SORCS2: variants seen among roughly 807,000 people sequenced by gnomAD.
SORCS2 encodes the protein sortilin related VPS10 domain containing receptor 2.
In SORCS2, 100 loss-of-function variants were observed where a neutral mutation model predicts 141.6. The observed-to-expected ratio is 0.71, with a 90% confidence interval of 0.60 to 0.83. The LOEUF is 0.83. Among genes scored for constraint, SORCS2 ranks in the 40% least tolerant of loss-of-function variants. The pLI, the probability that SORCS2 is intolerant of heterozygous loss-of-function variation, is 0.00. For synonymous variants in SORCS2, 789 were observed against 676.9 expected, an observed-to-expected ratio of 1.17 and a Z score of -2.57; for missense variants, 1,646 against 1,560.2, an observed-to-expected ratio of 1.05 and a Z score of -0.93.
chr4:7,349,170 G>A (rs1720801574), intron 1 of SORCS2, among the ~76,000 whole-genome samples: 1 of 152,136 alleles, frequency 6.6e-6, no homozygotes, highest in African/African-American at 2.4e-5. Flanking sequence ...CTGTGTCTAC[G>A]AGGAAGCTGG....
At chr4:7,495,634 C>T (rs1452379003) in intron 2 of SORCS2, among the ~76,000 whole-genome samples, 5 of 152,188 alleles carry the variant, frequency 3.3e-5, no homozygotes. Context: ...CATGTCATCT[C>T]ACAGCTGGGA....
At chr4:7,573,842 C>G (rs550194925) in intron 3 of SORCS2, among the ~76,000 whole-genome samples, 234 of 141,136 alleles carry the variant, frequency 1.7e-3, no homozygotes, top group Non-Finnish European at 3.1e-3. Flanking sequence ...TTCAGGGGCT[C>G]CCCATGCAGG....
chr4:7,384,325 A>G (rs1723160934), intron 1 of SORCS2, among the ~76,000 whole-genome samples: 1 of 152,224 alleles, frequency 6.6e-6, no homozygotes. Flanking sequence ...TAGAGTGCTC[A>G]GCATGCGGCT....
intron 21 of SORCS2, among the ~76,000 whole-genome samples, chr4:7,727,138 G>A (rs968404999): frequency 9.2e-5 from 14 of 152,316 alleles, no homozygotes; most frequent in Admixed American, 7.8e-4. Flanking sequence ...GACAAATCCT[G>A]TGTCCCAAGA....
intron 4 of SORCS2, among the ~76,000 whole-genome samples, chr4:7,649,381 G>A (rs1721292868): frequency 6.6e-6 from 1 of 151,856 alleles, no homozygotes; most frequent in African/African-American, 2.4e-5. Flanking sequence ...CCATGTGAGG[G>A]TGTGGGCTTT....
chr4:7,490,527 G>C (rs549211590), intron 2 of SORCS2, among the ~76,000 whole-genome samples: 1 of 152,236 alleles, frequency 6.6e-6, no homozygotes, highest in South Asian at 2.1e-4. Context: ...GGGAGGTGGG[G>C]CTGCCTTGGA....
chr4:7,358,052 G>C (rs1721362742), intron 1 of SORCS2, among the ~76,000 whole-genome samples: 1 of 152,218 alleles, frequency 6.6e-6, no homozygotes, highest in Non-Finnish European at 1.5e-5. Context: ...GCTGGCTCAA[G>C]TTTCTAAGAG....
chr4:7,428,771 T>C (rs1726629270), intron 2 of SORCS2, among the ~76,000 whole-genome samples: 1 of 152,128 alleles, frequency 6.6e-6, no homozygotes, highest in African/African-American at 2.4e-5. Flanking sequence ...GGTGGGTTGG[T>C]AAGGGCCTCA....
chr4:7,317,878 G>A (rs1718663720), intron 1 of SORCS2, among the ~76,000 whole-genome samples: 1 of 152,114 alleles, frequency 6.6e-6, no homozygotes. Context: ...CCACAGGAAG[G>A]CCCATTGAAC....
At chr4:7,578,362 G>A (rs138303779) in intron 3 of SORCS2, among the ~76,000 whole-genome samples, 1 of 152,214 alleles carries the variant, frequency 6.6e-6, no homozygotes, top group East Asian at 1.9e-4. Context: ...AACACAAAAT[G>A]GACTAAGACA....
At chr4:7,379,052 C>T (rs1006433492) in intron 1 of SORCS2, among the ~76,000 whole-genome samples, 12 of 152,308 alleles carry the variant, frequency 7.9e-5, no homozygotes, top group South Asian at 2.1e-4. Flanking sequence ...ACGCTGATCA[C>T]GCACATCTAA....
chr4:7,586,084 T>C (rs1716515831), intron 3 of SORCS2, among the ~76,000 whole-genome samples: 1 of 152,226 alleles, frequency 6.6e-6, no homozygotes, highest in Non-Finnish European at 1.5e-5. Context: ...AAGGCATTGC[T>C]CTCTCTTTGG....
intron 1 of SORCS2, among the ~76,000 whole-genome samples, chr4:7,377,363 G>C (rs886782483): frequency 3.3e-5 from 5 of 152,164 alleles, no homozygotes; most frequent in South Asian, 2.1e-4. Context: ...TGACGGGGGG[G>C]ACAGATCGGA....
chr4:7,694,026 C>T (rs765890458), intron 11 of SORCS2, among the ~76,000 whole-genome samples: 3 of 152,208 alleles, frequency 2.0e-5, no homozygotes, highest in Admixed American at 6.5e-5. Flanking sequence ...TGGTGATCGC[C>T]GGTGCTCCCT....
At chr4:7,424,727 C>T (rs1263193985) in intron 2 of SORCS2, among the ~76,000 whole-genome samples, 1 of 152,196 alleles carries the variant, frequency 6.6e-6, no homozygotes, top group Non-Finnish European at 1.5e-5. Flanking sequence ...TGAGGGCGTG[C>T]GGGCACCGTG....
chr4:7,499,197 CAT>C (rs1731812716), intron 2 of SORCS2, among the ~76,000 whole-genome samples: 2 of 152,070 alleles, frequency 1.3e-5, no homozygotes, highest in East Asian at 1.9e-4. Flanking sequence ...TGTGTGTGTA[CAT>C]GTGTCTGAGT....
intron 2 of SORCS2, among the ~76,000 whole-genome samples, chr4:7,475,418 T>A (rs963004762): frequency 6.6e-6 from 1 of 152,168 alleles, no homozygotes; most frequent in Non-Finnish European, 1.5e-5. Context: ...AGGTCCATCC[T>A]GCATGTGGTA....
intron 26 of SORCS2, 77 bp from the exon 27 acceptor site, chr4:7,740,123 C>T (rs532872676): frequency 4.5e-6 from 6 of 1,327,226 alleles, no homozygotes; most frequent in South Asian, 3.7e-5. Flanking sequence ...TGCCTGAGGC[C>T]ACGACCGTGT....
At chr4:7,687,279 C>G (rs939728830) in intron 10 of SORCS2, among the ~76,000 whole-genome samples, 1 of 152,196 alleles carries the variant, frequency 6.6e-6, no homozygotes, top group African/African-American at 2.4e-5. Flanking sequence ...AGAAGCCCAA[C>G]CCTGCCTACC....
Sources: gnomAD v4.1 joint callset for allele counts (sites outside exome capture counted in the v4.1 genomes callset) on GRCh38, gnomAD v4.1.1 for gene constraint, MANE v1.5 for transcripts, NCBI Gene and HGNC (gene_info 2026-07-23, HGNC 2026-07-21) for gene names.